The following SIK2 variants were observed in gnomAD, a reference collection of about 807,000 sequenced individuals.
The protein encoded by SIK2 is salt inducible kinase 2.
In SIK2, 29 loss-of-function variants were observed where a neutral mutation model predicts 103.2. That is an observed-to-expected ratio of 0.28 (90% CI 0.21 to 0.38). The LOEUF is 0.38. Ranked by LOEUF, SIK2 falls within the 10% of genes least tolerant of loss-of-function variation. SIK2 has a pLI of 1.00. For synonymous variants in SIK2, 412 were observed against 446.1 expected (o/e 0.92, Z 0.96); for missense variants, 879 against 1,171.0 (o/e 0.75, Z 3.64).
chr11:111,669,034 A>C (rs1204000210), intron 3 of SIK2, among the ~76,000 whole-genome samples: 2 of 152,250 alleles, frequency 1.3e-5, no homozygotes, highest in East Asian at 3.8e-4. Context: ...CCAATACTTT[A>C]TTAATGAATG....
chr11:111,646,321 T>C (rs1265664714), intron 3 of SIK2, among the ~76,000 whole-genome samples: 1 of 152,140 alleles, frequency 6.6e-6, no homozygotes, highest in Non-Finnish European at 1.5e-5. Flanking sequence ...TGGTGGCGCA[T>C]GCCTGTAATC....
rs140102618 is a variant in SIK2 at position 111,655,045 on chromosome 11, A to G, written c.317-32956A>G. On this transcript the variant is annotated intron_variant, in intron 3 of 14. Transcript: ENST00000304987. Reference sequence around the variant, plus strand: ...TAAAGCATTGTTCTACAATGAAGCAATTTGTCAGTTTTATCAGTAGATTCT... The same window carrying G: ...TAAAGCATTGTTCTACAATGAAGCAGTTTGTCAGTTTTATCAGTAGATTCT... Among the ~76,000 whole-genome samples the G allele has an allele frequency of 9.2e-5, 14 of 152,346 alleles. No homozygotes were observed. The East Asian group carries it at 2.5e-3, about 27-fold the overall frequency.
intron 4 of SIK2, among the ~76,000 whole-genome samples, chr11:111,697,199 C>CT (rs1196071570): frequency 2.0e-5 from 3 of 152,216 alleles, no homozygotes; most frequent in African/African-American, 7.2e-5. Flanking sequence ...TATACCCTCA[C>CT]TTTCTCCTAA....
Position 111,639,845 on chromosome 11 carries a change from G to T in SIK2, c.316+19443G>T, listed in dbSNP as rs112719625. Among the ~76,000 whole-genome samples the T allele has an allele frequency of 1.2e-3, 188 of 152,222 alleles. 2 individuals carry two copies. Among genetic ancestry groups the T allele is most frequent in the African/African-American group, 4.3e-3 (180 of 41,530 alleles). The stretch of plus-strand genomic sequence containing the variant: ...AGGAGTGTGTAGAAAGTATTTCTGG[G>T]CTGGATATCCTGGAGACTGCTCTAC... On this transcript the variant is annotated intron_variant, in intron 3 of 14. Coordinates refer to ENST00000304987, the MANE Select transcript of SIK2 (RefSeq NM_015191.3).
At chr11:111,605,449 A>G (rs1941637461) in intron 1 of SIK2, among the ~76,000 whole-genome samples, 1 of 152,244 alleles carries the variant, frequency 6.6e-6, no homozygotes, top group Non-Finnish European at 1.5e-5. Context: ...TTTTCATGGC[A>G]GAACATACTA....
chr11:111,684,709 C>G (rs747053085), intron 3 of SIK2, among the ~76,000 whole-genome samples: 3 of 152,208 alleles, frequency 2.0e-5, no homozygotes, highest in Admixed American at 6.5e-5. Flanking sequence ...GGCACATTGT[C>G]TACTTGCCAG....
At chr11:111,634,946 T>G (rs986590384) in intron 3 of SIK2, among the ~76,000 whole-genome samples, 1 of 152,226 alleles carries the variant, frequency 6.6e-6, no homozygotes, top group Non-Finnish European at 1.5e-5. Flanking sequence ...GTTGAATGCA[T>G]GCAGATGAAA....
At chr11:111,638,529 A>G (rs1393571771) in intron 3 of SIK2, among the ~76,000 whole-genome samples, 1 of 152,152 alleles carries the variant, frequency 6.6e-6, no homozygotes, top group Non-Finnish European at 1.5e-5. Flanking sequence ...TCCATTGCTG[A>G]GGCTTCAAGT....
At chr11:111,636,959 TGGTGTG>T (rs1243290704) in intron 3 of SIK2, among the ~76,000 whole-genome samples, 2 of 152,216 alleles carry the variant, frequency 1.3e-5, no homozygotes, top group Non-Finnish European at 2.9e-5. Flanking sequence ...TGATGTGCTT[TGGTGTG>T]GGTCTATTTC....
chr11:111,632,907 A>G (rs368332095), intron 3 of SIK2, among the ~76,000 whole-genome samples: 1 of 152,136 alleles, frequency 6.6e-6, no homozygotes, highest in African/African-American at 2.4e-5. Flanking sequence ...TCTTAATTTA[A>G]TATGTGGCTT....
At chr11:111,610,155 T>A (rs1307433187) in intron 1 of SIK2, among the ~76,000 whole-genome samples, 2 of 152,206 alleles carry the variant, frequency 1.3e-5, no homozygotes, top group Admixed American at 6.5e-5. Flanking sequence ...ATGAGATTAG[T>A]ATTTCTTTTA....
chr11:111,612,129 T>G (rs1324787557), intron 1 of SIK2, among the ~76,000 whole-genome samples: 1 of 152,170 alleles, frequency 6.6e-6, no homozygotes, highest in Non-Finnish European at 1.5e-5. Flanking sequence ...CAAGACCCTT[T>G]GAAATAGTGA....
chr11:111,623,014 C>T (rs1207203945), intron 3 of SIK2, among the ~76,000 whole-genome samples: 1 of 152,224 alleles, frequency 6.6e-6, no homozygotes, highest in African/African-American at 2.4e-5. Context: ...CCCCTCTCTT[C>T]TCCTTCAGAT....
rs1943937694 is a variant in SIK2, at chr11:111,725,512, C to T, written c.*1383C>T. 4 of 152,526 alleles carry T rather than the reference C, an allele frequency of 2.6e-5. No individual in the cohort carries two copies. 9.4% of individuals were successfully genotyped at this position (152,526 alleles called of 1,614,324 possible). On this transcript the variant is annotated 3_prime_UTR_variant, in exon 15 of 15. Coordinates refer to ENST00000304987, the MANE Select transcript of SIK2 (RefSeq NM_015191.3). The stretch of plus-strand genomic sequence containing the variant: ...TCCCTAGAAATGATGAATAATTTGC[C>T]ATTTGGACAGTTAACATCCAGGTGT...
In SIK2 at chr11:111,626,198, T is replaced by G. The variant is rs116645078; in HGVS notation, c.316+5796T>G. ...TTGGGTACAGTTAATTTCTTGACCA[T>G]TGAAGATAATGAGTAATAGAATTAA... On this transcript the variant is annotated intron_variant, in intron 3 of 14. Coordinates refer to ENST00000304987, the MANE Select transcript of SIK2 (RefSeq NM_015191.3). 3.1e-3 allele frequency among the ~76,000 whole-genome samples: 468 copies of G among 152,280 alleles called. 3 individuals are homozygous for G. The highest frequency in any genetic ancestry group is 0.011 in the African/African-American group (449 of 41,568).
At chr11:111,609,310 A>C (rs924239980) in intron 1 of SIK2, among the ~76,000 whole-genome samples, 1 of 152,030 alleles carries the variant, frequency 6.6e-6, no homozygotes, top group Non-Finnish European at 1.5e-5. Flanking sequence ...CCACTATTAT[A>C]AAAGTCAAAT....
chr11:111,647,359 C>A (rs1411620016), intron 3 of SIK2, among the ~76,000 whole-genome samples: 1 of 152,098 alleles, frequency 6.6e-6, no homozygotes, highest in East Asian at 1.9e-4. Context: ...CAGATTAAAT[C>A]ATCAATCAGA....
intron 3 of SIK2, among the ~76,000 whole-genome samples, chr11:111,651,949 C>T (rs11824411): frequency 6.6e-6 from 1 of 152,110 alleles, no homozygotes; most frequent in African/African-American, 2.4e-5. Context: ...TGCATGAATG[C>T]TGCATAGGAA....
intron 3 of SIK2, among the ~76,000 whole-genome samples, chr11:111,627,733 T>C (rs1941979002): frequency 2.0e-5 from 3 of 152,266 alleles, no homozygotes; most frequent in Non-Finnish European, 4.4e-5. Flanking sequence ...TATTTAACTT[T>C]ACAAGTATTC....
Sources: gnomAD v4.1 joint callset for allele counts (sites outside exome capture counted in the v4.1 genomes callset) on GRCh38, gnomAD v4.1.1 for gene constraint, MANE v1.5 for transcripts, NCBI Gene and HGNC (gene_info 2026-07-23, HGNC 2026-07-21) for gene names.